The following CDH4 variants were observed in gnomAD, a reference collection of about 807,000 sequenced individuals.
CDH4 encodes cadherin 4.
A neutral mutation model predicts 86.0 loss-of-function variants in CDH4; 33 were observed. That is an observed-to-expected ratio of 0.38 (90% CI 0.29 to 0.51). CDH4 has a LOEUF of 0.51. CDH4 is among the 20% of genes least tolerant of loss of function. The pLI, the probability that CDH4 is intolerant of heterozygous loss-of-function variation, is 0.86. For missense variants in CDH4, 1,114 were observed against 1,307.4 expected, an observed-to-expected ratio of 0.85 and a Z score of 2.28; for synonymous variants, 555 against 549.4, an observed-to-expected ratio of 1.01 and a Z score of -0.14.
chr20:61,484,945 T>C (rs1350413365), intron 2 of CDH4, among the ~76,000 whole-genome samples: 2 of 152,218 alleles, frequency 1.3e-5, no homozygotes, highest in African/African-American at 4.8e-5. Flanking sequence ...GTGCCAGTGT[T>C]TTCTCCTGGG....
At position 61,305,162 on chromosome 20, in the gene CDH4, T is replaced by G. The variant is rs1403014176; in HGVS notation, c.169+50225T>G. Among the ~76,000 whole-genome samples the G allele has an allele frequency of 3.3e-5, 5 of 152,174 alleles. No individual in the cohort carries two copies. The East Asian group carries it at 9.6e-4, about 29-fold the overall frequency. ...GTATTTTTCAGCGTCATCTCTGATG[T>G]TGAGCCTGACTGTCCGTAAGTGTGT... On this transcript the variant is annotated intron_variant, in intron 2 of 15. Transcript: ENST00000614565.
rs538283980 is a variant in CDH4 at position 61,523,082 on chromosome 20, G to A, written c.170-220481G>A. On this transcript the variant is annotated intron_variant, in intron 2 of 15. Coordinates refer to ENST00000614565, the MANE Select transcript of CDH4 (RefSeq NM_001794.5). ...AGGCAACCCACACCAGGTGACAGGC[G>A]GCATGCATCCTGCTGTCCAGAGCTG... Among the ~76,000 whole-genome samples, 12 of 152,320 alleles carry A rather than the reference G, an allele frequency of 7.9e-5. No individual in the cohort carries two copies. In the South Asian group the frequency reaches 2.3e-3, roughly 29 times the overall value.
intron 8 of CDH4, among the ~76,000 whole-genome samples, chr20:61,899,553 G>A (rs6121835): frequency 0.13 from 19,378 of 151,838 alleles, 2,893 homozygotes; most frequent in East Asian, 0.45. Context: ...TCAGCCTCCC[G>A]AGTAGCTGGA....
chr20:61,742,703 C>T (rs1233264297), intron 2 of CDH4, among the ~76,000 whole-genome samples: 4 of 152,142 alleles, frequency 2.6e-5, no homozygotes, highest in Non-Finnish European at 4.4e-5. Context: ...GTTGCAAAAG[C>T]ACACGTCTAA....
intron 8 of CDH4, among the ~76,000 whole-genome samples, chr20:61,899,014 G>C (rs952776995): frequency 2.2e-4 from 34 of 152,190 alleles, no homozygotes; most frequent in African/African-American, 7.5e-4. Flanking sequence ...AGAAGAGGGA[G>C]GGCCGGGCGC....
chr20:61,921,181 G>A (rs865827537), intron 9 of CDH4, among the ~76,000 whole-genome samples: 29 of 142,136 alleles, frequency 2.0e-4, no homozygotes, highest in African/African-American at 8.0e-4. Context: ...CACAGTGATT[G>A]CATGGAAGCG....
At chr20:61,463,480 G>A (rs2085456256) in intron 2 of CDH4, among the ~76,000 whole-genome samples, 1 of 152,238 alleles carries the variant, frequency 6.6e-6, no homozygotes. Context: ...AGCCTCAGGA[G>A]TGGACTCAGA....
chr20:61,916,084 G>T (rs1447410488), intron 9 of CDH4, among the ~76,000 whole-genome samples: 2 of 152,038 alleles, frequency 1.3e-5, no homozygotes, highest in African/African-American at 4.8e-5. Flanking sequence ...TTTAGTCTGG[G>T]GATGCTTCGC....
At chr20:61,645,034 A>G (rs940397213) in intron 2 of CDH4, among the ~76,000 whole-genome samples, 16 of 152,224 alleles carry the variant, frequency 1.1e-4, no homozygotes, top group Admixed American at 8.5e-4. Context: ...CTCTTCTTAC[A>G]AGGTCACTCA....
At chr20:61,458,037 G>A (rs1467917675) in intron 2 of CDH4, among the ~76,000 whole-genome samples, 4 of 151,820 alleles carry the variant, frequency 2.6e-5, no homozygotes, top group Non-Finnish European at 5.9e-5. Context: ...GTTGATGGCA[G>A]TGCTGACACT....
chr20:61,868,699 T>TCTGGGCAGGTGTCCCCCCACA (rs1339000641), intron 6 of CDH4, among the ~76,000 whole-genome samples: 1 of 47,182 alleles, frequency 2.1e-5, no homozygotes, highest in Non-Finnish European at 5.8e-5. Flanking sequence ...GTCCCTCCAC[T>TCTGGGCAGGTGTCCCCCCACA]CTGGGCAGGT....
chr20:61,396,110 T>C (rs1353174963), intron 2 of CDH4, among the ~76,000 whole-genome samples: 3 of 152,224 alleles, frequency 2.0e-5, no homozygotes, highest in Non-Finnish European at 4.4e-5. Context: ...TTGACTCTTA[T>C]GCTATGACAG....
chr20:61,867,559 AAAAG>A (rs747786534), intron 6 of CDH4, among the ~76,000 whole-genome samples: 4 of 84,000 alleles, frequency 4.8e-5, no homozygotes, highest in East Asian at 3.3e-4. Flanking sequence ...AAAAAAAAAA[AAAAG>A]AGAGAGAGAG....
At chr20:61,856,099 T>G (rs763575703) in intron 6 of CDH4, among the ~76,000 whole-genome samples, 2 of 152,150 alleles carry the variant, frequency 1.3e-5, no homozygotes, top group African/African-American at 4.8e-5. Flanking sequence ...TCTCTACAAT[T>G]TCTTCTCTTC....
chr20:61,580,225 C>T (rs1048131537), intron 2 of CDH4, among the ~76,000 whole-genome samples: 1 of 152,078 alleles, frequency 6.6e-6, no homozygotes, highest in Non-Finnish European at 1.5e-5. Context: ...GAGGCCTAGA[C>T]GGGTGAATCA....
chr20:61,444,347 CTGTGTATATTTTTGTGTTTCTGCATGT>C (rs2085332629), intron 2 of CDH4, among the ~76,000 whole-genome samples: 4 of 4,610 alleles, frequency 8.7e-4, no homozygotes, highest in East Asian at 7.6e-3. Context: ...CTGTGTGTGT[CTGTGTATATTTTTGTGTTTCTGCATGT>C]GTGTGTCTAT....
At chr20:61,539,740 C>A (rs1007876340) in intron 2 of CDH4, among the ~76,000 whole-genome samples, 1 of 152,218 alleles carries the variant, frequency 6.6e-6, no homozygotes, top group Non-Finnish European at 1.5e-5. Context: ...TGGTGTCCCC[C>A]CCAAGCCCTG....
In CDH4 at chr20:61,569,336, T is replaced by C. The variant is rs375275068; in HGVS notation, c.170-174227T>C. 2.6e-5 allele frequency among the ~76,000 whole-genome samples: 4 copies of C among 152,346 alleles called. No homozygotes were observed. The East Asian group carries it at 5.8e-4, about 22-fold the overall frequency. ...CATTTTAACTCTTATTTGGAGATAA[T>C]TGTAAACTTAGAGGAGTTGCAAGAA... On this transcript the variant is annotated intron_variant, in intron 2 of 15. Transcript: ENST00000614565.
chr20:61,283,504 G>A lies in CDH4; in HGVS notation c.169+28567G>A, dbSNP rs1488520501. Among the ~76,000 whole-genome samples the A allele has an allele frequency of 8.4e-5, 10 of 118,430 alleles. 1 individual carries two copies. Among genetic ancestry groups the A allele is most frequent in the South Asian group, 6.4e-4 (2 of 3,102 alleles). 77.7% of individuals were successfully genotyped at this position (118,430 alleles called of 152,430 possible). On this transcript the variant is annotated intron_variant, in intron 2 of 15. Transcript: ENST00000614565. ...GTGTGTGATGTAGGTGCATTTGCAC[G>A]CGTGTGCTGTGGTGTGTGATGTAGG... is the stretch of plus-strand genomic sequence containing the variant.
Sources: allele counts gnomAD v4.1 joint callset (sites outside exome capture counted in the v4.1 genomes callset), GRCh38; gene constraint gnomAD v4.1.1; transcripts MANE v1.5; gene names NCBI Gene and HGNC (gene_info 2026-07-23, HGNC 2026-07-21).